The following RALGPS1 variants were observed in gnomAD, a reference collection of about 807,000 sequenced individuals.
RALGPS1 encodes the protein Ral GEF with PH domain and SH3 binding motif 1.
RALGPS1 carries 19 observed loss-of-function variants against 78.8 expected under a neutral mutation model. The ratio of observed to expected loss-of-function variants is 0.24; its 90% CI spans 0.17 to 0.35. The LOEUF (loss-of-function observed/expected upper bound fraction) is 0.35, where lower values mean the gene tolerates loss of function less well. RALGPS1 is among the 10% of genes least tolerant of loss of function. The pLI is 1.00. For missense variants in RALGPS1, 454 were observed against 688.3 expected (o/e 0.66, Z 3.81); for synonymous variants, 228 against 256.3 (o/e 0.89, Z 1.06).
At chr9:127,167,412 C>T (rs1045636240) in intron 9 of RALGPS1, among the ~76,000 whole-genome samples, 9 of 152,244 alleles carry the variant, frequency 5.9e-5, no homozygotes, top group Non-Finnish European at 2.9e-5. Context: ...GCCAGCAGAG[C>T]AACCACAGAC....
At chr9:127,202,631 G>A (rs934334128) in intron 14 of RALGPS1, among the ~76,000 whole-genome samples, 1 of 152,174 alleles carries the variant, frequency 6.6e-6, no homozygotes, top group African/African-American at 2.4e-5. Flanking sequence ...GTGAGATGCA[G>A]GGAGGTGTTT....
At chr9:127,055,774 G>A (rs1004798496) in intron 7 of RALGPS1, among the ~76,000 whole-genome samples, 1 of 152,086 alleles carries the variant, frequency 6.6e-6, no homozygotes, top group Non-Finnish European at 1.5e-5. Context: ...ACAAGAGAGG[G>A]GTCTTATTTT....
chr9:126,960,869 A>G (rs539642783), intron 1 of RALGPS1, among the ~76,000 whole-genome samples: 1 of 152,138 alleles, frequency 6.6e-6, no homozygotes, highest in African/African-American at 2.4e-5. Context: ...GCCAAAAACC[A>G]TCTCATCCTC....
At position 127,074,133 on chromosome 9, in the gene RALGPS1, C is replaced by A. The variant is rs573888923; in HGVS notation, c.610+4777C>A. Among the ~76,000 whole-genome samples the A allele has an allele frequency of 5.3e-5, 8 of 152,322 alleles. No individual in the cohort carries two copies. In the South Asian group the frequency reaches 1.7e-3, roughly 32 times the overall value. ...CTGACCTCAGGTGATCTGCCTGCCT[C>A]AGCCTCCCAAAGTTCTGGGATTACA... On this transcript the variant is annotated intron_variant, in intron 8 of 18. Transcript: ENST00000259351.
intron 2 of RALGPS1, among the ~76,000 whole-genome samples, chr9:126,963,977 A>G (rs1036471585): frequency 6.6e-6 from 1 of 152,232 alleles, no homozygotes; most frequent in East Asian, 1.9e-4. Context: ...CAGCAGCATC[A>G]GGAGAAATCT....
chr9:127,070,203 A>T (rs1046912074), intron 8 of RALGPS1, among the ~76,000 whole-genome samples: 2 of 152,174 alleles, frequency 1.3e-5, no homozygotes, highest in Non-Finnish European at 2.9e-5. Context: ...TCGCGCTCCT[A>T]TGAGAATCTA....
At chr9:127,120,590 G>A (rs1589602356) in intron 8 of RALGPS1, among the ~76,000 whole-genome samples, 5 of 152,206 alleles carry the variant, frequency 3.3e-5, no homozygotes, top group South Asian at 2.1e-4. Flanking sequence ...TCGGGAGGCC[G>A]AGGTGGGCGG....
chr9:127,172,123 G>A (rs2059596152), intron 10 of RALGPS1, among the ~76,000 whole-genome samples: 2 of 152,174 alleles, frequency 1.3e-5, no homozygotes, highest in Non-Finnish European at 1.5e-5. Context: ...TCAGGAAGTA[G>A]GACCCCCTAC....
intron 4 of RALGPS1, among the ~76,000 whole-genome samples, chr9:127,015,484 C>T (rs1490524030): frequency 3.9e-5 from 6 of 152,130 alleles, no homozygotes; most frequent in East Asian, 3.9e-4. Context: ...AACAGGACTG[C>T]GAACAGATCT....
chr9:127,089,189 T>TG, intron 8 of RALGPS1: 1 of 1,594,312 alleles, frequency 6.3e-7, no homozygotes, highest in African/African-American at 1.3e-5. Flanking sequence ...CCATTCTACT[T>TG]GCGTCCATAG....
At chr9:126,984,897 T>G (rs1466341118) in intron 4 of RALGPS1, among the ~76,000 whole-genome samples, 1 of 152,258 alleles carries the variant, frequency 6.6e-6, no homozygotes, top group Non-Finnish European at 1.5e-5. Flanking sequence ...TTAGTATTAC[T>G]GGGTTGCCAT....
intron 1 of RALGPS1, among the ~76,000 whole-genome samples, chr9:126,926,183 G>A (rs953113713): frequency 4.6e-5 from 7 of 152,184 alleles, no homozygotes; most frequent in African/African-American, 1.7e-4. Flanking sequence ...TCTTGAAGGT[G>A]TGGAAGCAAA....
At chr9:127,064,531 C>G (rs1159253932) in intron 7 of RALGPS1, among the ~76,000 whole-genome samples, 2 of 152,212 alleles carry the variant, frequency 1.3e-5, no homozygotes, top group African/African-American at 2.4e-5. Flanking sequence ...TCTCCACACC[C>G]CAATTATTCC....
chr9:127,206,152 GC>G (rs1038703512), intron 14 of RALGPS1, among the ~76,000 whole-genome samples: 2 of 152,224 alleles, frequency 1.3e-5, no homozygotes, highest in African/African-American at 4.8e-5. Context: ...CATCCAGGGT[GC>G]GCAGGCGCAG....
intron 7 of RALGPS1, among the ~76,000 whole-genome samples, chr9:127,053,191 G>A (rs1246445587): frequency 6.6e-6 from 1 of 152,150 alleles, no homozygotes; most frequent in Non-Finnish European, 1.5e-5. Flanking sequence ...TGGACACCAC[G>A]ATGTCATGAG....
chr9:127,097,485 G>T (rs1260711353), intron 8 of RALGPS1, among the ~76,000 whole-genome samples: 1 of 152,184 alleles, frequency 6.6e-6, no homozygotes, highest in Non-Finnish European at 1.5e-5. Flanking sequence ...GTAGACCTCT[G>T]TGAAATCTCC....
chr9:127,076,079 G>T (rs1268598284), intron 8 of RALGPS1, among the ~76,000 whole-genome samples: 3 of 152,214 alleles, frequency 2.0e-5, no homozygotes, highest in Non-Finnish European at 4.4e-5. Flanking sequence ...GTTTCTTGCA[G>T]ATTACTTCAA....
At chr9:126,948,195 TCTA>T (rs144603393) in intron 1 of RALGPS1, among the ~76,000 whole-genome samples, 1,765 of 152,286 alleles carry the variant, frequency 0.012, 40 homozygotes, top group African/African-American at 0.041. Context: ...TTTACATAAT[TCTA>T]CTATGCATAT....
At chr9:127,121,656 G>A (rs1326485911) in intron 8 of RALGPS1, among the ~76,000 whole-genome samples, 1 of 152,244 alleles carries the variant, frequency 6.6e-6, no homozygotes, top group Non-Finnish European at 1.5e-5. Context: ...GGGGGTACCA[G>A]GGAAGCCGCA....
Sources: allele counts gnomAD v4.1 joint callset (sites outside exome capture counted in the v4.1 genomes callset), GRCh38; gene constraint gnomAD v4.1.1; transcripts MANE v1.5; gene names NCBI Gene and HGNC (gene_info 2026-07-23, HGNC 2026-07-21).